The following SPPL3 variants were observed in gnomAD, a reference collection of about 807,000 sequenced individuals.
SPPL3 encodes signal peptide peptidase-like 3.
SPPL3 carries 5 observed loss-of-function variants against 42.4 expected under a neutral mutation model. The observed-to-expected ratio is 0.12, with a 90% confidence interval of 0.06 to 0.25. The LOEUF is 0.25. SPPL3 is among the 10% of genes least tolerant of loss of function. SPPL3 has a pLI of 1.00. For missense variants in SPPL3, 235 were observed against 489.0 expected (o/e 0.48, Z 4.90); for synonymous variants, 195 against 181.8 (o/e 1.07, Z -0.58).
intron 1 of SPPL3, among the ~76,000 whole-genome samples, chr12:120,838,682 A>G (rs575911803): frequency 6.6e-6 from 1 of 152,244 alleles, no homozygotes; most frequent in South Asian, 2.1e-4. Flanking sequence ...TCAGAATTAG[A>G]GGTATTGCCA....
At chr12:120,873,544 G>T (rs1419220896) in intron 1 of SPPL3, among the ~76,000 whole-genome samples, 2 of 152,116 alleles carry the variant, frequency 1.3e-5, no homozygotes, top group African/African-American at 4.8e-5. Context: ...AACTTCAAGT[G>T]TCCAGAAGGA....
chr12:120,903,054 A>C (rs548575663), intron 1 of SPPL3, among the ~76,000 whole-genome samples: 14 of 152,086 alleles, frequency 9.2e-5, no homozygotes, highest in Non-Finnish European at 1.8e-4. Context: ...CTAACTTTAA[A>C]AGCCCCACAG....
chr12:120,768,711 G>A (rs903751275), intron 7 of SPPL3: 18 of 644,994 alleles, frequency 2.8e-5, no homozygotes, highest in African/African-American at 9.2e-5. Context: ...CCACTGCAGC[G>A]AATCTTGTCA....
chr12:120,871,943 G>A (rs1281702394), intron 1 of SPPL3, among the ~76,000 whole-genome samples: 2 of 152,046 alleles, frequency 1.3e-5, no homozygotes, highest in Non-Finnish European at 2.9e-5. Flanking sequence ...TTCCGATTTT[G>A]GAATATTTGC....
intron 1 of SPPL3, among the ~76,000 whole-genome samples, chr12:120,883,865 G>A (rs2137059764): frequency 1.3e-5 from 2 of 152,330 alleles, no homozygotes; most frequent in South Asian, 4.1e-4. Context: ...ACTTTGGGAG[G>A]CCAAGGTGGG....
chr12:120,863,181 T>C (rs1363610433), intron 1 of SPPL3, among the ~76,000 whole-genome samples: 8 of 151,706 alleles, frequency 5.3e-5, no homozygotes, highest in Non-Finnish European at 1.2e-4. Flanking sequence ...AACCCTATCT[T>C]TACTAAAAAT....
At chr12:120,783,553 G>T in intron 5 of SPPL3, 121 bp downstream of exon 5, 2 of 858,360 alleles carry the variant, frequency 2.3e-6, no homozygotes, top group Non-Finnish European at 3.5e-6. Context: ...TCACTTCCTG[G>T]TCTTTTGGCA....
intron 1 of SPPL3, among the ~76,000 whole-genome samples, chr12:120,900,454 A>C (rs911323927): frequency 1.3e-5 from 2 of 151,890 alleles, no homozygotes; most frequent in African/African-American, 4.8e-5. Flanking sequence ...AAAATGCAAT[A>C]ATCAGCCGGG....
At chr12:120,771,769 T>A (rs1869132596) in intron 6 of SPPL3, among the ~76,000 whole-genome samples, 1 of 152,188 alleles carries the variant, frequency 6.6e-6, no homozygotes, top group East Asian at 1.9e-4. Context: ...GTGGGATGAA[T>A]GTCCAACTCC....
chr12:120,817,066 G>A (rs1226936058), intron 1 of SPPL3, among the ~76,000 whole-genome samples: 1 of 151,678 alleles, frequency 6.6e-6, no homozygotes, highest in Non-Finnish European at 1.5e-5. Context: ...GAGGTGGGAG[G>A]ATTACTTGAG....
intron 2 of SPPL3, among the ~76,000 whole-genome samples, chr12:120,807,557 C>A (rs986056054): frequency 6.6e-6 from 1 of 151,782 alleles, no homozygotes; most frequent in Non-Finnish European, 1.5e-5. Context: ...GCCTGTAATC[C>A]CAACTACTCG....
chr12:120,768,660 C>A (rs570452767), intron 7 of SPPL3, 172 bp from the exon 8 acceptor site: 3 of 767,670 alleles, frequency 3.9e-6, no homozygotes, highest in Non-Finnish European at 6.1e-6. Context: ...CCAATTTCTG[C>A]ACTCTCCACA....
intron 1 of SPPL3, among the ~76,000 whole-genome samples, chr12:120,832,461 C>T (rs1441133065): frequency 1.3e-5 from 2 of 152,084 alleles, no homozygotes; most frequent in Non-Finnish European, 2.9e-5. Flanking sequence ...CACCTGAGGT[C>T]GGGAGTTCAA....
At chr12:120,865,825 G>A (rs1872739681) in intron 1 of SPPL3, among the ~76,000 whole-genome samples, 1 of 152,240 alleles carries the variant, frequency 6.6e-6, no homozygotes, top group Non-Finnish European at 1.5e-5. Context: ...CCGTACTGTA[G>A]GAGGAGACAG....
chr12:120,846,255 G>A (rs943560554), intron 1 of SPPL3, among the ~76,000 whole-genome samples: 3 of 152,156 alleles, frequency 2.0e-5, no homozygotes, highest in Non-Finnish European at 4.4e-5. Flanking sequence ...CTGAATAATT[G>A]AAAAGTAGGG....
chr12:120,855,240 A>G lies in SPPL3; in HGVS notation c.24-44354T>C, dbSNP rs549351491. The stretch of plus-strand genomic sequence containing the variant: ...GTATAACAGATTCCATATAGCACAA[A>G]AAATGAACAGAAATAATAGTTTCCT... On this transcript the variant is annotated intron_variant, in intron 1 of 10. Transcript: ENST00000353487. Among the ~76,000 whole-genome samples, 218 of 152,350 alleles carry G rather than the reference A, an allele frequency of 1.4e-3. 1 individual carries two copies. The highest frequency in any genetic ancestry group is 2.0e-3 in the Non-Finnish European group (136 of 68,038).
chr12:120,768,818 A>G (rs1364782495), intron 7 of SPPL3, 135 bp downstream of exon 7: 3 of 731,372 alleles, frequency 4.1e-6, no homozygotes, highest in Non-Finnish European at 6.8e-6. Context: ...CCCATGATAC[A>G]GTTAAGGACT....
At chr12:120,789,322 T>G (rs1392812254) in intron 3 of SPPL3, among the ~76,000 whole-genome samples, 2 of 149,294 alleles carry the variant, frequency 1.3e-5, no homozygotes, top group African/African-American at 4.9e-5. Flanking sequence ...GGTGTGGTGG[T>G]GGGTGCCTGT....
intron 1 of SPPL3, among the ~76,000 whole-genome samples, chr12:120,853,976 G>GCACACACACACACA (rs1246999754): frequency 1.2e-4 from 8 of 64,146 alleles, no homozygotes; most frequent in African/African-American, 6.9e-5. Flanking sequence ...CCACACACAC[G>GCACACACACACACA]CACACATACA....
Sources: allele counts gnomAD v4.1 joint callset (sites outside exome capture counted in the v4.1 genomes callset), GRCh38; gene constraint gnomAD v4.1.1; transcripts MANE v1.5; gene names NCBI Gene and HGNC (gene_info 2026-07-23, HGNC 2026-07-21).